Variants in C4orf51 observed in about 807,000 individuals in gnomAD.
C4orf51 encodes uncharacterized protein C4orf51.
In C4orf51, 25 loss-of-function variants were observed where a neutral mutation model predicts 25.2. The ratio of observed to expected loss-of-function variants is 0.99; its 90% confidence interval spans 0.72 to 1.39. The LOEUF (loss-of-function observed/expected upper bound fraction) is 1.39, where lower values mean the gene tolerates loss of function less well. Ranked by LOEUF, C4orf51 falls within the 40% of genes most tolerant of loss-of-function variation. The probability of loss-of-function intolerance (pLI) is 0.00; values close to 1 mark genes in which losing one functional copy is unlikely to be tolerated. For missense variants in C4orf51, 252 were observed against 239.6 expected (o/e 1.05, Z -0.34); for synonymous variants, 100 against 84.5 (o/e 1.18, Z -1.01).
chr4:145,724,688 C>G (rs1731941483), intron 2 of C4orf51, among the ~76,000 whole-genome samples: 1 of 151,618 alleles, frequency 6.6e-6, no homozygotes, highest in African/African-American at 2.4e-5. Context: ...TCGAGACCAG[C>G]CTGGGTAATA....
chr4:145,778,670 A>G, the C4orf51 span, among the ~76,000 whole-genome samples: 10 of 152,206 alleles, frequency 6.6e-5, no homozygotes, highest in African/African-American at 2.4e-4. Flanking sequence ...CTTGCTTTTT[A>G]AATTTTGTGT....
downstream of C4orf51, chr4:145,771,132 G>A (rs1362508288): frequency 6.6e-6 from 1 of 152,164 alleles, no homozygotes; most frequent in East Asian, 1.9e-4. Flanking sequence ...TTTCTTAACA[G>A]TTTATAGGAA....
chr4:145,702,476 T>A (rs1730520318), intron 2 of C4orf51, among the ~76,000 whole-genome samples: 1 of 152,160 alleles, frequency 6.6e-6, no homozygotes, highest in Non-Finnish European at 1.5e-5. Flanking sequence ...ACAGCCCCCA[T>A]TACTTCAGTC....
downstream of C4orf51, among the ~76,000 whole-genome samples, chr4:145,772,272 G>A (rs988271280): frequency 2.0e-5 from 3 of 152,140 alleles, no homozygotes; most frequent in African/African-American, 7.2e-5. Flanking sequence ...ATACAGCAGT[G>A]ACTTAGATAA....
At chr4:145,706,942 G>T (rs1479455107) in intron 2 of C4orf51, among the ~76,000 whole-genome samples, 1 of 151,642 alleles carries the variant, frequency 6.6e-6, no homozygotes, top group African/African-American at 2.4e-5. Context: ...CTCTTGAGTA[G>T]CTGGGATTAC....
intron 2 of C4orf51, among the ~76,000 whole-genome samples, chr4:145,700,191 T>C (rs11100896): frequency 0.46 from 9,001 of 19,588 alleles, 2,477 homozygotes; most frequent in African/African-American, 0.72. Flanking sequence ...CCCTTATTTC[T>C]GCACCCCAAC....
At chr4:145,701,373 A>G (rs1369515396) in intron 2 of C4orf51, among the ~76,000 whole-genome samples, 1 of 152,116 alleles carries the variant, frequency 6.6e-6, no homozygotes, top group Non-Finnish European at 1.5e-5. Flanking sequence ...AGCTTGCTAC[A>G]AGTGCCAGAA....
chr4:145,760,986 C>T (rs749405341), intron 1 of C4orf51: 65 of 1,253,540 alleles, frequency 5.2e-5, no homozygotes, highest in Admixed American at 7.9e-5. Context: ...CGTTGAAGGC[C>T]AAAGCCTTGA....
At chr4:145,721,561 ATTTTAAAT>A (rs1731742744) in intron 2 of C4orf51, among the ~76,000 whole-genome samples, 1 of 152,092 alleles carries the variant, frequency 6.6e-6, no homozygotes, top group African/African-American at 2.4e-5. Flanking sequence ...TCCTCTCTCT[ATTTTAAAT>A]TAGAAAACAG....
At chr4:145,714,382 T>C (rs1731290627) in intron 2 of C4orf51, among the ~76,000 whole-genome samples, 1 of 152,220 alleles carries the variant, frequency 6.6e-6, no homozygotes, top group South Asian at 2.1e-4. Context: ...ACTCATTGAT[T>C]AATAGCATGA....
At chr4:145,767,907 A>C (rs1198344257) in intron 1 of C4orf51, among the ~76,000 whole-genome samples, 3 of 152,256 alleles carry the variant, frequency 2.0e-5, no homozygotes, top group Non-Finnish European at 4.4e-5. Flanking sequence ...GATCTACACA[A>C]AAGAATGAAG....
chr4:145,710,125 C>A (rs113976546), intron 2 of C4orf51, among the ~76,000 whole-genome samples: 1,695 of 152,322 alleles, frequency 0.011, 24 homozygotes, highest in African/African-American at 0.038. Flanking sequence ...GTATTTGAGT[C>A]ATGGCACCAA....
chr4:145,738,768 TAG>T (rs1732944487), intron 1 of C4orf51, among the ~76,000 whole-genome samples: 1 of 151,910 alleles, frequency 6.6e-6, no homozygotes, highest in Non-Finnish European at 1.5e-5. Flanking sequence ...GCCTCCCGAG[TAG>T]CTGGAACCAC....
rs1381719971 is a variant in C4orf51, at chr4:145,761,108, C to T, written n.167-9880C>T. ...GGAGACAGGAGATTCCGGGAGCTCC[C>T]GACCACCAGGAGCGGGGCCCCCGGG... On this transcript the variant is annotated intron_variant and non_coding_transcript_variant, in intron 1 of 1. Coordinates refer to the C4orf51 transcript ENST00000510096. This position sits in a 1 kb window ranked among gnomAD's most constrained non-coding sequence, Gnocchi z 6.8. The T allele has an allele frequency of 1.0e-5, 13 of 1,289,540 alleles. No individual in the cohort carries two copies. Among genetic ancestry groups the T allele is most frequent in the Admixed American group, 9.2e-5 (4 of 43,566 alleles). 79.9% of individuals were successfully genotyped at this position (1,289,540 alleles called of 1,614,324 possible).
At chr4:145,728,101 T>G (rs535993610) in intron 3 of C4orf51, among the ~76,000 whole-genome samples, 56 of 147,566 alleles carry the variant, frequency 3.8e-4, no homozygotes, top group Non-Finnish European at 8.0e-4. Flanking sequence ...GGTTTTCTAA[T>G]TTATAACTAC....
chr4:145,785,934 T>C, the C4orf51 span, among the ~76,000 whole-genome samples: 1 of 152,214 alleles, frequency 6.6e-6, no homozygotes, highest in Non-Finnish European at 1.5e-5. Flanking sequence ...AGTATAAGCC[T>C]AGAATATTTC....
chr4:145,710,399 G>A (rs1731065917), intron 2 of C4orf51, among the ~76,000 whole-genome samples: 1 of 152,164 alleles, frequency 6.6e-6, no homozygotes, highest in Non-Finnish European at 1.5e-5. Flanking sequence ...GCCTGCTTCT[G>A]GGGTATTGTG....
intron 2 of C4orf51, among the ~76,000 whole-genome samples, chr4:145,714,893 C>G (rs547456927): frequency 4.6e-5 from 7 of 152,280 alleles, no homozygotes; most frequent in Non-Finnish European, 1.0e-4. Flanking sequence ...CTCTTGCTCC[C>G]TCTTTGGAGG....
rs974940111 is a variant in C4orf51, at chr4:145,680,241, T to C, written c.38T>C (p.Leu13Pro). ...HYFYLTPQIL[L>P]PFSPLTSQEF... The stretch of plus-strand genomic sequence containing the variant: ...TTCTACTTGACTCCACAAATTCTTC[T>C]GCCCTTTAGCCCTCTTACTTCTCAA... Residue 13 changes from leucine to proline, a missense_variant, in exon 1 of 6, where the codon CTG becomes CCG. By Grantham distance (98) the Leu-to-Pro change is moderately conservative. Coordinates refer to ENST00000438731, the MANE Select transcript of C4orf51 (RefSeq NM_001080531.3). The C allele has an allele frequency of 2.5e-6, 4 of 1,613,870 alleles. No homozygotes were observed. In the Admixed American group the frequency reaches 5.0e-5, roughly 20 times the overall value.
Sources: gnomAD v4.1 joint callset for allele counts (sites outside exome capture counted in the v4.1 genomes callset) on GRCh38, gnomAD v4.1.1 for gene constraint, Gnocchi (gnomAD v3.1) non-coding constraint, MANE v1.5 for transcripts, NCBI Gene and HGNC (gene_info 2026-07-23, HGNC 2026-07-21) for gene names.